Variants in ELF2 observed in about 807,000 individuals in gnomAD.
The protein encoded by ELF2 is ETS-related transcription factor Elf-2.
A neutral mutation model predicts 54.8 loss-of-function variants in ELF2; 11 were observed. That is an observed-to-expected ratio of 0.20 (90% confidence interval 0.13 to 0.33). The LOEUF (loss-of-function observed/expected upper bound fraction) is 0.33, where lower values mean the gene tolerates loss of function less well. ELF2 is among the 10% of genes least tolerant of loss of function. The probability of loss-of-function intolerance (pLI) is 1.00; values close to 1 mark genes in which losing one functional copy is unlikely to be tolerated. For synonymous variants in ELF2, 203 were observed against 245.1 expected (o/e 0.83, Z 1.61); for missense variants, 513 against 703.0 (o/e 0.73, Z 3.06).
At chr4:139,109,498 C>T (rs1734748080) in intron 4 of ELF2, among the ~76,000 whole-genome samples, 1 of 152,178 alleles carries the variant, frequency 6.6e-6, no homozygotes, top group South Asian at 2.1e-4. Context: ...TTCTATAAGA[C>T]ATTTAGTCTT....
intron 4 of ELF2, among the ~76,000 whole-genome samples, chr4:139,083,010 T>G (rs575714494): frequency 7.2e-5 from 11 of 152,292 alleles, no homozygotes; most frequent in Non-Finnish European, 1.0e-4. Flanking sequence ...CATGCGTACA[T>G]TGTCAGCTTC....
At chr4:139,065,847 T>C (rs1728620933) in intron 7 of ELF2, among the ~76,000 whole-genome samples, 2 of 152,158 alleles carry the variant, frequency 1.3e-5, no homozygotes, top group South Asian at 4.1e-4. Context: ...TTTAATTTTC[T>C]AATACATACT....
At chr4:139,091,253 C>T (rs1355254433) in intron 4 of ELF2, among the ~76,000 whole-genome samples, 1 of 151,964 alleles carries the variant, frequency 6.6e-6, no homozygotes, top group Non-Finnish European at 1.5e-5. Context: ...TGTTAAAGAA[C>T]CCTTGGAATA....
At chr4:139,170,085 TCTAA>T (rs1434833857) in intron 1 of ELF2, among the ~76,000 whole-genome samples, 1 of 151,980 alleles carries the variant, frequency 6.6e-6, no homozygotes, top group African/African-American at 2.4e-5. Flanking sequence ...GATGATAAAA[TCTAA>T]CTGTTAGAGT....
chr4:139,155,811 A>G (rs546883007), intron 1 of ELF2, among the ~76,000 whole-genome samples: 1 of 152,326 alleles, frequency 6.6e-6, no homozygotes, highest in African/African-American at 2.4e-5. Context: ...AGTTTTTAAC[A>G]ATTTAGGCTC....
At chr4:139,145,306 C>A (rs568150802) in intron 1 of ELF2, among the ~76,000 whole-genome samples, 3 of 152,346 alleles carry the variant, frequency 2.0e-5, no homozygotes, top group South Asian at 2.1e-4. Flanking sequence ...TCCCCTGTTA[C>A]CCCTATGAGA....
intron 4 of ELF2, among the ~76,000 whole-genome samples, chr4:139,092,780 GAC>G (rs1381588524): frequency 1.1e-4 from 16 of 151,842 alleles, no homozygotes; most frequent in Non-Finnish European, 1.9e-4. Flanking sequence ...CAGCCTGGGC[GAC>G]AGAGAGACTC....
At chr4:139,121,876 T>C (rs1187872299) in intron 4 of ELF2, among the ~76,000 whole-genome samples, 1 of 152,210 alleles carries the variant, frequency 6.6e-6, no homozygotes, top group African/African-American at 2.4e-5. Flanking sequence ...ACATAACCTC[T>C]GTGAGGGAAA....
At chr4:139,156,461 T>G (rs374639488) in intron 1 of ELF2, among the ~76,000 whole-genome samples, 1 of 151,982 alleles carries the variant, frequency 6.6e-6, no homozygotes, top group Non-Finnish European at 1.5e-5. Flanking sequence ...TTACAGGCGT[T>G]AGCCACCATG....
Position 139,059,446 on chromosome 4 carries a change from G to A in ELF2, c.1319C>T (p.Thr440Ile), listed in dbSNP as rs781039943. 8 of 1,613,874 alleles carry A rather than the reference G, an allele frequency of 5.0e-6. No individual in the cohort carries two copies. Among genetic ancestry groups the A allele is most frequent in the Non-Finnish European group, 5.9e-6 (7 of 1,179,870 alleles). ...SPKVVIQTIP[T>I]VMPASTENGD... ...ATTTTCAGTAGAAGCTGGCATCACA[G>A]TAGGGATTGTCTGAATGACTACCTT... is the stretch of plus-strand genomic sequence containing the variant. Residue 440 changes from threonine to isoleucine, a missense_variant, in exon 10 of 10, where the codon ACT (threonine) becomes ATT (isoleucine). Thr to Ile is a moderately conservative substitution (Grantham distance 89, BLOSUM62 -1). Transcript: ENST00000686138.
chr4:139,142,011 A>G (rs1018764007), intron 1 of ELF2, among the ~76,000 whole-genome samples: 1 of 152,240 alleles, frequency 6.6e-6, no homozygotes, highest in Non-Finnish European at 1.5e-5. Context: ...GCACTATTAT[A>G]TGATAGCACA....
At chr4:139,062,891 C>G (rs980354523) in intron 7 of ELF2, among the ~76,000 whole-genome samples, 5 of 152,150 alleles carry the variant, frequency 3.3e-5, no homozygotes, top group Non-Finnish European at 7.4e-5. Context: ...GTGCAAACTA[C>G]CCTCAACCCT....
intron 1 of ELF2, among the ~76,000 whole-genome samples, chr4:139,167,572 AGACT>A (rs1449350886): frequency 6.6e-6 from 1 of 152,208 alleles, no homozygotes; most frequent in Non-Finnish European, 1.5e-5. Flanking sequence ...ATCTATTATT[AGACT>A]GTAGCCCTGT....
chr4:139,114,918 G>A (rs908592057), intron 4 of ELF2: 4 of 1,612,576 alleles, frequency 2.5e-6, no homozygotes, highest in Non-Finnish European at 3.4e-6. Context: ...CGTTCTCCTG[G>A]GTCGGGGACC....
intron 4 of ELF2, among the ~76,000 whole-genome samples, chr4:139,101,433 C>A (rs72949612): frequency 0.015 from 2,217 of 152,310 alleles, 59 homozygotes; most frequent in African/African-American, 0.051. Context: ...CCTTTCAGCT[C>A]TTCTATTTTT....
chr4:139,166,014 T>G (rs2148909034), intron 1 of ELF2, among the ~76,000 whole-genome samples: 1 of 152,334 alleles, frequency 6.6e-6, no homozygotes, highest in African/African-American at 2.4e-5. Flanking sequence ...ATGGCTATTC[T>G]AAATCTTCAT....
intron 1 of ELF2, among the ~76,000 whole-genome samples, chr4:139,174,812 T>C (rs1171530818): frequency 2.6e-5 from 4 of 152,168 alleles, no homozygotes; most frequent in Non-Finnish European, 5.9e-5. Context: ...GGAGACAGGA[T>C]TTTGCTCTGT....
chr4:139,076,463 T>C (rs1730332490), intron 4 of ELF2, among the ~76,000 whole-genome samples: 1 of 152,058 alleles, frequency 6.6e-6, no homozygotes. Flanking sequence ...CCTTCAATTC[T>C]CCAGTTTTTA....
intron 1 of ELF2, among the ~76,000 whole-genome samples, chr4:139,153,103 T>C (rs1195092358): frequency 6.6e-6 from 1 of 152,096 alleles, no homozygotes; most frequent in Non-Finnish European, 1.5e-5. Flanking sequence ...ATAAAGACTA[T>C]TTTGACAATA....
Sources: gnomAD v4.1 joint callset for allele counts (sites outside exome capture counted in the v4.1 genomes callset) on GRCh38, gnomAD v4.1.1 for gene constraint, MANE v1.5 for transcripts, NCBI Gene and HGNC (gene_info 2026-07-23, HGNC 2026-07-21) for gene names.